Variants in VWA5B1 observed in about 807,000 individuals in gnomAD.
The protein encoded by VWA5B1 is von Willebrand factor A domain containing 5B1.
A neutral mutation model predicts 118.2 loss-of-function variants in VWA5B1; 115 were observed. The ratio of observed to expected loss-of-function variants is 0.97; its 90% CI spans 0.84 to 1.14. The LOEUF (loss-of-function observed/expected upper bound fraction) is 1.14. VWA5B1 is among the 50% of genes most tolerant of loss of function. The pLI is 0.00. For missense variants in VWA5B1, 1,596 were observed against 1,603.8 expected (o/e 1.00, Z 0.08); for synonymous variants, 682 against 658.4 (o/e 1.04, Z -0.55).
At chr1:20,335,901 C>A (rs1570177351) in intron 12 of VWA5B1, among the ~76,000 whole-genome samples, 1 of 152,182 alleles carries the variant, frequency 6.6e-6, no homozygotes, top group Non-Finnish European at 1.5e-5. Context: ...TGGAAAAAAT[C>A]CACATATAAA....
At position 20,356,162 on chromosome 1, in the gene VWA5B1, G is replaced by A. The variant is rs913465767; in HGVS notation, c.*1899G>A. 3.9e-5 allele frequency among the ~76,000 whole-genome samples: 6 copies of A among 152,220 alleles called. No homozygotes were observed. Among genetic ancestry groups the A allele is most frequent in the Admixed American group, 2.0e-4 (3 of 15,288 alleles). The stretch of plus-strand genomic sequence containing the variant: ...TGCAGGCAGCAGCCTCAGCTTCAGG[G>A]TAAGGGTGGCCGGGGGTGGCATCTA... On this transcript the variant is annotated 3_prime_UTR_variant, in exon 22 of 22. Transcript: ENST00000289815.
rs1032114240 is a variant in VWA5B1, at chr1:20,357,217, A to G, written c.*2954A>G. Among the ~76,000 whole-genome samples, 1 of 152,208 alleles carries G rather than the reference A, an allele frequency of 6.6e-6. No individual in the cohort carries two copies. On this transcript the variant is annotated 3_prime_UTR_variant, in exon 22 of 22. Transcript: ENST00000289815. ...CCCAAGCATGGGTCCCAACTCCACC[A>G]CTAGTGTGCTGTGTGACTTCTGGCA... is the stretch of plus-strand genomic sequence containing the variant.
At chr1:20,321,547 T>C (rs555011804) in intron 7 of VWA5B1, among the ~76,000 whole-genome samples, 177 of 152,244 alleles carry the variant, frequency 1.2e-3, no homozygotes, top group African/African-American at 4.1e-3. Context: ...ATTGAGCCAC[T>C]GCACTCCAGC....
chr1:20,297,079 C>A (rs1570038477), intron 1 of VWA5B1, among the ~76,000 whole-genome samples: 1 of 152,322 alleles, frequency 6.6e-6, no homozygotes, highest in East Asian at 1.9e-4. Context: ...ACAAAATATA[C>A]AAAGATCTCT....
rs962794195 is a variant in VWA5B1 at position 20,350,182 on chromosome 1, T to C, written c.2905T>C (p.Phe969Leu). 5 of 1,551,210 alleles carry C rather than the reference T, an allele frequency of 3.2e-6. No individual in the cohort carries two copies. The highest frequency in any genetic ancestry group is 3.5e-6 in the Non-Finnish European group (4 of 1,146,978). ...CATGGAGGCAAGTCCCACTGCTCTC[T>C]TCAGCGAGGCCAGGTCCCCCGGCCG... ...NDMEASPTAL[F>L]SEARSPGREK... Residue 969 changes from phenylalanine to leucine, a missense_variant, in exon 19 of 22, where the codon TTC becomes CTC. Physicochemically the swap from Phe to Leu is conservative, Grantham distance 22. Transcript: ENST00000289815.
At chr1:20,328,164 T>C (rs2089443696) in intron 9 of VWA5B1, among the ~76,000 whole-genome samples, 164 bp downstream of exon 9, 2 of 152,078 alleles carry the variant, frequency 1.3e-5, no homozygotes, top group South Asian at 4.2e-4. Flanking sequence ...GAAGAGAAAC[T>C]ATCTCTGTTT....
chr1:20,347,600 C>A (rs1184708046), intron 17 of VWA5B1, among the ~76,000 whole-genome samples: 3 of 152,042 alleles, frequency 2.0e-5, no homozygotes. Context: ...CTACCACACC[C>A]AGCTAATTTT....
At position 20,358,403 on chromosome 1, in the gene VWA5B1, C is replaced by G. The variant is rs1054928844; in HGVS notation, c.*4140C>G. On this transcript the variant is annotated 3_prime_UTR_variant, in exon 22 of 22. Coordinates refer to ENST00000289815, the MANE Select transcript of VWA5B1 (RefSeq NM_001039500.3). ...CTACCCTTATTTGAGGGCCATGCTA[C>G]TGTTCCCCTTCTCTCTTCCTTGGCA... is the stretch of plus-strand genomic sequence containing the variant. 6.6e-6 allele frequency among the ~76,000 whole-genome samples: 1 copy of G among 152,230 alleles called. No homozygotes were observed. Among genetic ancestry groups the G allele is most frequent in the African/African-American group, 2.4e-5 (1 of 41,460 alleles).
intron 14 of VWA5B1, among the ~76,000 whole-genome samples, chr1:20,340,826 T>C (rs1225816640): frequency 6.6e-6 from 1 of 152,238 alleles, no homozygotes; most frequent in Non-Finnish European, 1.5e-5. Context: ...GAAATATTAA[T>C]ACTACACACA....
chr1:20,335,145 C>T (rs1317501366), intron 12 of VWA5B1, among the ~76,000 whole-genome samples: 2 of 152,056 alleles, frequency 1.3e-5, no homozygotes, highest in Non-Finnish European at 2.9e-5. Flanking sequence ...CACTTCTCTA[C>T]AAAATATAAA....
chr1:20,331,294 G>A (rs2089546673), intron 11 of VWA5B1, among the ~76,000 whole-genome samples: 1 of 152,198 alleles, frequency 6.6e-6, no homozygotes. Context: ...TCCATATCTG[G>A]ACATGTTCCT....
At chr1:20,317,855 C>T (rs1239651217) in intron 5 of VWA5B1, among the ~76,000 whole-genome samples, 180 bp downstream of exon 5, 1 of 151,976 alleles carries the variant, frequency 6.6e-6, no homozygotes, top group Non-Finnish European at 1.5e-5. Flanking sequence ...AGATAAGTCC[C>T]TTCCCAGGAT....
In VWA5B1 at chr1:20,350,154, A is replaced by G. The variant is rs1386666863; in HGVS notation, c.2879-2A>G. 1.3e-6 allele frequency: 2 copies of G among 1,551,086 alleles called. No homozygotes were observed. Among genetic ancestry groups the G allele is most frequent in the Non-Finnish European group, 1.7e-6 (2 of 1,146,940 alleles). On this transcript the variant is annotated splice_acceptor_variant, in intron 18 of 21. Coordinates refer to ENST00000289815, the MANE Select transcript of VWA5B1 (RefSeq NM_001039500.3). LOFTEE classifies it high-confidence loss of function. ...CCAGCCTCACTGGCTCCTCTGTCCT[A>G]GACATGGAGGCAAGTCCCACTGCTC... is the stretch of plus-strand genomic sequence containing the variant.
At position 20,356,606 on chromosome 1, in the gene VWA5B1, A is replaced by C. The variant is rs913497040; in HGVS notation, c.*2343A>C. ...ACAAGATGCCTAGCAGGAGCAACCA[A>C]GAAATCCAGCAAGGTGGTGGGCATG... is the stretch of plus-strand genomic sequence containing the variant. On this transcript the variant is annotated 3_prime_UTR_variant, in exon 22 of 22. Transcript: ENST00000289815. Among the ~76,000 whole-genome samples, 3 of 152,230 alleles carry C rather than the reference A, an allele frequency of 2.0e-5. No individual in the cohort carries two copies. The highest frequency in any genetic ancestry group is 7.2e-5 in the African/African-American group (3 of 41,464).
chr1:20,326,628 G>A (rs1480727040), intron 8 of VWA5B1, among the ~76,000 whole-genome samples: 1 of 151,994 alleles, frequency 6.6e-6, no homozygotes, highest in African/African-American at 2.4e-5. Context: ...ACCATGCCCG[G>A]CTAATATTTG....
At position 20,359,057 on chromosome 1, in the gene VWA5B1, T is replaced by C; in HGVS notation, c.*4794T>C. ...CCGATGAGGTGGGATTTTTCTCCTG[T>C]TCATGCTGCAAATCTCCTTGGCTCA... On this transcript the variant is annotated 3_prime_UTR_variant, in exon 22 of 22. Coordinates refer to ENST00000289815, the MANE Select transcript of VWA5B1 (RefSeq NM_001039500.3). Among the ~76,000 whole-genome samples the C allele has an allele frequency of 6.6e-6, 1 of 152,222 alleles. No individual in the cohort carries two copies. Among genetic ancestry groups the C allele is most frequent in the South Asian group, 2.1e-4 (1 of 4,828 alleles).
chr1:20,308,783 G>A (rs551180818), intron 1 of VWA5B1, among the ~76,000 whole-genome samples: 8 of 152,304 alleles, frequency 5.3e-5, no homozygotes, highest in South Asian at 2.1e-4. Flanking sequence ...GCGGGGTGCC[G>A]GGGTGTCGGG....
At chr1:20,316,514 C>T (rs61770712) in intron 4 of VWA5B1, among the ~76,000 whole-genome samples, 9,974 of 152,160 alleles carry the variant, frequency 0.066, 349 homozygotes, top group Non-Finnish European at 0.076. Flanking sequence ...AAAGCACAAT[C>T]ACACCCAAAT....
chr1:20,325,954 A>C (rs1001075467), intron 8 of VWA5B1, among the ~76,000 whole-genome samples: 2 of 152,182 alleles, frequency 1.3e-5, no homozygotes, highest in Non-Finnish European at 2.9e-5. Flanking sequence ...GCCAAAGGGG[A>C]AAGTCCGGCC....
Sources: allele counts gnomAD v4.1 joint callset (sites outside exome capture counted in the v4.1 genomes callset), GRCh38; gene constraint gnomAD v4.1.1; transcripts MANE v1.5; gene names NCBI Gene and HGNC (gene_info 2026-07-23, HGNC 2026-07-21).